NPAS1: variants seen among roughly 807,000 people sequenced by gnomAD.
NPAS1 encodes neuronal PAS domain-containing protein 1.
In NPAS1, 29 loss-of-function variants were observed where a neutral mutation model predicts 49.2. The observed-to-expected ratio is 0.59, with a 90% CI of 0.44 to 0.80. The LOEUF (loss-of-function observed/expected upper bound fraction) is 0.80. NPAS1 is among the 30% of genes least tolerant of loss of function. The pLI is 0.00. For missense variants in NPAS1, 825 were observed against 835.5 expected, an observed-to-expected ratio of 0.99 and a Z score of 0.15; for synonymous variants, 408 against 380.4, an observed-to-expected ratio of 1.07 and a Z score of -0.84.
At chr19:47,042,749 A>G (rs2057034652) in intron 10 of NPAS1, 61 bp from the exon 11 acceptor site, 1 of 1,411,566 alleles carries the variant, frequency 7.1e-7, no homozygotes, top group Non-Finnish European at 9.7e-7. Context: ...TGGGTAAAGC[A>G]GGAGGGAGTC....
At position 47,027,490 on chromosome 19, in the gene NPAS1, CTCTCTG is replaced by C. The variant is rs1405811028; in HGVS notation, c.359-4787_359-4782del. On this transcript the variant is annotated intron_variant, in intron 3 of 11. Coordinates refer to ENST00000602212, the MANE Select transcript of NPAS1 (RefSeq NM_002517.4). ...CGTCTCTCTGCCCCTGGTCTCCCGTCTCTCTGCCCCTGGTCTCCCATCTCTCTGCCC... is the reference window on the plus strand; with the variant it reads ...CGTCTCTCTGCCCCTGGTCTCCCGTCCCCCTGGTCTCCCATCTCTCTGCCC... Among the ~76,000 whole-genome samples, 49 of 69,522 alleles carry C rather than the reference CTCTCTG, an allele frequency of 7.0e-4. 6 individuals carry two copies. The highest frequency in any genetic ancestry group is 2.8e-3 in the African/African-American group (48 of 17,324). 45.6% of individuals were successfully genotyped at this position (69,522 alleles called of 152,430 possible). A position where few individuals can be genotyped will look rare whatever the true frequency, so the allele number is the denominator to read the frequency against.
At chr19:47,036,583 C>CA (rs935108112) in intron 6 of NPAS1, among the ~76,000 whole-genome samples, 40 of 151,976 alleles carry the variant, frequency 2.6e-4, no homozygotes, top group African/African-American at 9.4e-4. Flanking sequence ...ACAAAAATTA[C>CA]AAAAAAGGCC....
At chr19:47,037,410 T>G (rs917498092) in intron 6 of NPAS1, among the ~76,000 whole-genome samples, 1 of 148,644 alleles carries the variant, frequency 6.7e-6, no homozygotes, top group African/African-American at 2.5e-5. Context: ...GCAAGAAGTG[T>G]TATCTCCATT....
intron 6 of NPAS1, among the ~76,000 whole-genome samples, chr19:47,036,347 C>T (rs1053741413): frequency 6.6e-6 from 1 of 152,360 alleles, no homozygotes; most frequent in African/African-American, 2.4e-5. Flanking sequence ...AAAGACCCCC[C>T]TGGCTGCTGA....
At chr19:47,030,834 G>A (rs767543236) in intron 3 of NPAS1, among the ~76,000 whole-genome samples, 10 of 151,458 alleles carry the variant, frequency 6.6e-5, no homozygotes, top group Non-Finnish European at 1.3e-4. Context: ...TTGTAGAGAT[G>A]GGGTTTCATA....
rs2057070497 is a variant in NPAS1, at chr19:47,045,583, T to G, written c.1705T>G (p.Phe569Val). 1.9e-5 allele frequency: 28 copies of G among 1,482,382 alleles called. No homozygotes were observed. The highest frequency in any genetic ancestry group is 2.5e-5 in the Non-Finnish European group (28 of 1,126,844). The allele number at this position is 1,482,382 out of a possible 1,614,324, so 91.8% of individuals were successfully genotyped here. A position where few individuals can be genotyped will look rare whatever the true frequency, so the allele number is the denominator to read the frequency against. ...TCCGGGCCCCGCGCTCCCGGAGGCC[T>G]TTTACCCGCCCCTGGGCCTGCCCTA... is the stretch of plus-strand genomic sequence containing the variant. ...LGPGPALPEA[F>V]YPPLGLPYPG... Residue 569 changes from phenylalanine to valine, a missense_variant, in exon 12 of 12, where the codon TTT becomes GTT. By Grantham distance (50) the Phe-to-Val change is conservative. Transcript: ENST00000602212.
At chr19:47,022,071 A>G (rs1432222568) in intron 3 of NPAS1, among the ~76,000 whole-genome samples, 1 of 152,248 alleles carries the variant, frequency 6.6e-6, no homozygotes, top group Non-Finnish European at 1.5e-5. Flanking sequence ...TGCCCTAAAC[A>G]AGGCCCTGGC....
At chr19:47,027,810 T>C (rs993040819) in intron 3 of NPAS1, among the ~76,000 whole-genome samples, 3 of 152,056 alleles carry the variant, frequency 2.0e-5, no homozygotes, top group Non-Finnish European at 2.9e-5. Flanking sequence ...AGCAAGTGTT[T>C]GTTAAATGGA....
In NPAS1 at chr19:47,040,974, C is replaced by T. The variant is rs1450331815; in HGVS notation, c.1070-4C>T. 6.8e-7 allele frequency: 1 copy of T among 1,473,812 alleles called. No homozygotes were observed. The highest frequency in any genetic ancestry group is 1.4e-5 in the South Asian group (1 of 71,180). The allele number at this position is 1,473,812 out of a possible 1,614,324, so 91.3% of individuals were successfully genotyped here. A position where few individuals can be genotyped will look rare whatever the true frequency, so the allele number is the denominator to read the frequency against. ...CTTCCCATCTCTCCCTGGGCTGGGC[C>T]CAGTGCTGGACAAGGGTCAGGTGAT... On this transcript the variant is annotated splice_region_variant and splice_polypyrimidine_tract_variant and intron_variant, in intron 9 of 11. Transcript: ENST00000602212.
At chr19:47,040,937 C>T in intron 9 of NPAS1, 41 bp from the exon 10 acceptor site, 1 of 1,428,972 alleles carries the variant, frequency 7.0e-7, no homozygotes. Context: ...GCCCCTGTCC[C>T]CACCCCACCC....
rs371616085 is a variant in NPAS1 at position 47,029,042 on chromosome 19, A to ATT, written c.359-3226_359-3225dup. ...TCTTTTCCTCTGTCTCTCCATGTCT[A>ATT]TTTTTTTTTTTAGTTTTTGTTTGTT... On this transcript the variant is annotated intron_variant, in intron 3 of 11. Transcript: ENST00000602212. 4.0e-4 allele frequency among the ~76,000 whole-genome samples: 57 copies of ATT among 144,268 alleles called. 2 individuals carry two copies. Among genetic ancestry groups the ATT allele is most frequent in the Middle Eastern group, 3.4e-3 (1 of 290 alleles). 94.6% of individuals were successfully genotyped at this position (144,268 alleles called of 152,430 possible). A position where few individuals can be genotyped will look rare whatever the true frequency, so the allele number is the denominator to read the frequency against.
intron 6 of NPAS1, among the ~76,000 whole-genome samples, chr19:47,036,695 A>T (rs2056959757): frequency 7.3e-6 from 1 of 137,374 alleles, no homozygotes; most frequent in Admixed American, 7.2e-5. Flanking sequence ...TGCATAGTGA[A>T]ACCCCATCTC....
At position 47,032,358 on chromosome 19, in the gene NPAS1, G is replaced by T. The variant is rs368338903; in HGVS notation, c.432+7G>T. ...GGGAGGTCACATCTTGCAGGTGAGTGAGGCCCCTTCCCTGCCTGCCGCTCC... is the reference window on the plus strand; with the variant it reads ...GGGAGGTCACATCTTGCAGGTGAGTTAGGCCCCTTCCCTGCCTGCCGCTCC... On this transcript the variant is annotated splice_region_variant and intron_variant, in intron 4 of 11. Transcript: ENST00000602212. 1 of 1,613,916 alleles carries T rather than the reference G, an allele frequency of 6.2e-7. No homozygotes were observed. Among genetic ancestry groups the T allele is most frequent in the Non-Finnish European group, 8.5e-7 (1 of 1,179,890 alleles).
intron 10 of NPAS1, among the ~76,000 whole-genome samples, chr19:47,041,820 A>T (rs544512585): frequency 1.3e-5 from 2 of 151,176 alleles, no homozygotes; most frequent in African/African-American, 2.4e-5. Flanking sequence ...ATTAAAAAAA[A>T]ATTTTTTTAA....
intron 3 of NPAS1, among the ~76,000 whole-genome samples, chr19:47,024,956 C>T (rs2056862423): frequency 6.6e-6 from 1 of 150,786 alleles, no homozygotes; most frequent in Non-Finnish European, 1.5e-5. Context: ...ATTACAGGCG[C>T]CTGCCACCGC....
At chr19:47,040,599 G>A (rs1021441688) in intron 9 of NPAS1, 49 bp downstream of exon 9, 15 of 1,313,194 alleles carry the variant, frequency 1.1e-5, no homozygotes, top group Admixed American at 4.0e-5. Flanking sequence ...CCCCAGACCC[G>A]AGCATCCCAC....
At chr19:47,039,892 C>T (rs1484040757) in intron 8 of NPAS1, among the ~76,000 whole-genome samples, 1 of 142,442 alleles carries the variant, frequency 7.0e-6, no homozygotes. Context: ...ATTTCCTCTC[C>T]TGCATCCCGC....
intron 1 of NPAS1, 153 bp from the exon 2 acceptor site, chr19:47,020,853 A>C: frequency 2.4e-6 from 1 of 419,568 alleles, no homozygotes. Context: ...CTAGGGTGGG[A>C]GCTGAGGCCT....
rs750511443 is a variant in NPAS1, at chr19:47,021,078, G to A, written c.31G>A (p.Gly11Arg). MAAPYPGSGG[G>R]SEVKCVGGRG... ...GGCCCCCTATCCCGGCAGTGGCGGCGGAAGCGAGGTCAAATGCGTGGGAGG... is the reference window on the plus strand; with the variant it reads ...GGCCCCCTATCCCGGCAGTGGCGGCAGAAGCGAGGTCAAATGCGTGGGAGG... The change falls in exon 2 of 12, where the codon GGA becomes AGA. Residue 11 changes from glycine (G) to arginine (R), a missense_variant. Gly to Arg is a moderately radical substitution (Grantham distance 125). Coordinates refer to ENST00000602212, the MANE Select transcript of NPAS1 (RefSeq NM_002517.4). The surrounding 1 kb of genome is among the most constrained non-coding windows in gnomAD (Gnocchi z 5.7). The A allele has an allele frequency of 1.1e-5, 18 of 1,605,006 alleles. No individual in the cohort carries two copies. Among genetic ancestry groups the A allele is most frequent in the Middle Eastern group, 3.3e-4 (2 of 6,022 alleles).
Sources: allele counts gnomAD v4.1 joint callset (sites outside exome capture counted in the v4.1 genomes callset), GRCh38; gene constraint gnomAD v4.1.1; non-coding constraint Gnocchi (gnomAD v3.1); transcripts MANE v1.5; gene names NCBI Gene and HGNC (gene_info 2026-07-23, HGNC 2026-07-21).